PATJ: variants seen among roughly 807,000 people sequenced by gnomAD.
PATJ encodes inaD-like protein.
Under a neutral mutation model 224.9 loss-of-function variants are expected in PATJ, and 190 were observed. That is an observed-to-expected ratio of 0.84 (90% CI 0.75 to 0.95). PATJ has a LOEUF of 0.95. PATJ is among the 40% of genes least tolerant of loss of function. The pLI is 0.00. For synonymous variants in PATJ, 769 were observed against 820.3 expected, an observed-to-expected ratio of 0.94 and a Z score of 1.07; for missense variants, 2,121 against 2,270.3, an observed-to-expected ratio of 0.93 and a Z score of 1.34.
chr1:62,154,064 T>G (rs1668908004), intron 43 of PATJ, among the ~76,000 whole-genome samples: 1 of 152,046 alleles, frequency 6.6e-6, no homozygotes, highest in Admixed American at 6.6e-5. Context: ...CCTGGCTAAT[T>G]TTTGTATTTT....
At chr1:61,747,978 T>A (rs1452323441) in intron 1 of PATJ, among the ~76,000 whole-genome samples, 1 of 152,224 alleles carries the variant, frequency 6.6e-6, no homozygotes, top group Non-Finnish European at 1.5e-5. Context: ...CCTCCTGGGT[T>A]CAAGTGATTC....
At chr1:62,053,235 AC>A (rs1233494351) in intron 31 of PATJ, among the ~76,000 whole-genome samples, 4 of 152,192 alleles carry the variant, frequency 2.6e-5, no homozygotes, top group Admixed American at 2.0e-4. Context: ...GCTTTCCCAT[AC>A]CCATTGACTA....
intron 7 of PATJ, among the ~76,000 whole-genome samples, chr1:61,786,874 T>C (rs913113737): frequency 5.3e-5 from 8 of 151,694 alleles, no homozygotes; most frequent in African/African-American, 1.9e-4. Flanking sequence ...TAATCCCAGC[T>C]GCTCAGGAGG....
intron 8 of PATJ, among the ~76,000 whole-genome samples, chr1:61,790,168 C>T (rs1423430542): frequency 2.1e-5 from 3 of 140,502 alleles, no homozygotes; most frequent in Admixed American, 7.5e-5. Flanking sequence ...TGCTCCATTG[C>T]ACTCCTACCT....
At chr1:62,042,968 T>TA (rs1651801904) in intron 30 of PATJ, among the ~76,000 whole-genome samples, 1 of 152,180 alleles carries the variant, frequency 6.6e-6, no homozygotes, top group Non-Finnish European at 1.5e-5. Flanking sequence ...TTATTATGTG[T>TA]CAATGTTCTA....
At chr1:61,775,409 C>T in intron 7 of PATJ, 75 bp downstream of exon 7, 1 of 1,278,982 alleles carries the variant, frequency 7.8e-7, no homozygotes, top group South Asian at 1.4e-5. Context: ...AATTTTATAA[C>T]ATGAGTTACC....
At chr1:62,106,772 T>C (rs1409639439) in intron 33 of PATJ, among the ~76,000 whole-genome samples, 1 of 152,070 alleles carries the variant, frequency 6.6e-6, no homozygotes, top group African/African-American at 2.4e-5. Flanking sequence ...TGGCCAAGCC[T>C]ATAAGATCTC....
intron 30 of PATJ, among the ~76,000 whole-genome samples, chr1:62,039,585 G>A (rs577442714): frequency 6.6e-6 from 1 of 152,308 alleles, no homozygotes; most frequent in African/African-American, 2.4e-5. Context: ...GAGAATTAAC[G>A]TGGGGAATGT....
At chr1:62,121,354 ATGTGTTTTTT>A (rs1242862333) in intron 38 of PATJ, 59 bp downstream of exon 38, 24 of 1,099,594 alleles carry the variant, frequency 2.2e-5, no homozygotes, top group Non-Finnish European at 3.1e-5. Context: ...AAAAAAAAAA[ATGTGTTTTTT>A]AAAAACCAGT....
chr1:61,835,514 G>C (rs1332106701), intron 17 of PATJ, among the ~76,000 whole-genome samples: 6 of 152,066 alleles, frequency 3.9e-5, no homozygotes, highest in African/African-American at 1.4e-4. Context: ...AGTGATTCTT[G>C]TGCCTCAGCC....
chr1:61,752,970 T>C (rs905838314), intron 1 of PATJ, among the ~76,000 whole-genome samples: 7 of 152,226 alleles, frequency 4.6e-5, no homozygotes, highest in Non-Finnish European at 7.3e-5. Context: ...ATGTATTTAT[T>C]TGAAGTACTG....
chr1:61,870,562 A>T (rs934025337), intron 20 of PATJ, among the ~76,000 whole-genome samples: 26 of 152,264 alleles, frequency 1.7e-4, no homozygotes, highest in African/African-American at 5.3e-4. Context: ...GTCACTACCA[A>T]TACCAACTCT....
chr1:62,080,097 C>A (rs563445522), intron 32 of PATJ, among the ~76,000 whole-genome samples: 21 of 143,054 alleles, frequency 1.5e-4, no homozygotes, highest in South Asian at 2.1e-4. Context: ...CTGTATTATT[C>A]TTCTCTAATC....
chr1:61,942,273 GA>G (rs1163533814), intron 27 of PATJ, among the ~76,000 whole-genome samples: 1 of 151,874 alleles, frequency 6.6e-6, no homozygotes, highest in Non-Finnish European at 1.5e-5. Context: ...TTATTTGAAA[GA>G]AAAAAAGCAT....
At chr1:62,113,099 A>G (rs998082380) in intron 34 of PATJ, among the ~76,000 whole-genome samples, 2 of 152,374 alleles carry the variant, frequency 1.3e-5, no homozygotes, top group Admixed American at 1.3e-4. Context: ...TAAGTTAAAG[A>G]ATAAATAATT....
At chr1:61,883,416 G>C (rs1276568297) in intron 21 of PATJ, among the ~76,000 whole-genome samples, 1 of 152,030 alleles carries the variant, frequency 6.6e-6, no homozygotes, top group East Asian at 1.9e-4. Flanking sequence ...GGTTGATAGT[G>C]TCTTTTCTTT....
intron 22 of PATJ, among the ~76,000 whole-genome samples, chr1:61,885,247 C>T (rs1274379756): frequency 6.6e-6 from 1 of 152,044 alleles, no homozygotes; most frequent in Non-Finnish European, 1.5e-5. Flanking sequence ...AGGCAACCTA[C>T]AGAATGGGAG....
chr1:62,013,242 C>A, intron 28 of PATJ: 2 of 481,066 alleles, frequency 4.2e-6, no homozygotes, highest in Non-Finnish European at 5.4e-6. Context: ...AAATGGAGGA[C>A]CACCACTAAA....
chr1:61,757,502 T>C (rs1001389688), intron 1 of PATJ, among the ~76,000 whole-genome samples: 7 of 152,062 alleles, frequency 4.6e-5, no homozygotes, highest in Admixed American at 2.6e-4. Flanking sequence ...CCTACCACTT[T>C]AGCCCTCTGA....
Sources: gnomAD v4.1 joint callset for allele counts (sites outside exome capture counted in the v4.1 genomes callset) on GRCh38, gnomAD v4.1.1 for gene constraint, MANE v1.5 for transcripts, NCBI Gene and HGNC (gene_info 2026-07-23, HGNC 2026-07-21) for gene names.